Variants in GRIP1 observed in about 807,000 individuals in gnomAD.
GRIP1 encodes the protein glutamate receptor-interacting protein 1.
In GRIP1, 45 loss-of-function variants were observed where a neutral mutation model predicts 129.9. The ratio of observed to expected loss-of-function variants is 0.35; its 90% CI spans 0.27 to 0.44. GRIP1 has a LOEUF of 0.44. GRIP1 is among the 20% of genes least tolerant of loss of function. The pLI, the probability that GRIP1 is intolerant of heterozygous loss-of-function variation, is 1.00. For synonymous variants in GRIP1, 530 were observed against 520.8 expected, an observed-to-expected ratio of 1.02 and a Z score of -0.24; for missense variants, 1,196 against 1,396.8, an observed-to-expected ratio of 0.86 and a Z score of 2.29.
rs1344322970 is a variant in GRIP1, at chr12:66,348,791, G to A, written c.*228C>T. The stretch of plus-strand genomic sequence containing the variant: ...ACGGCCTATTTTTCTCTACCGTTGG[G>A]ACTGGCAGGGCATTGCCCACCATAT... On this transcript the variant is annotated 3_prime_UTR_variant, in exon 25 of 25. Transcript: ENST00000359742. The A allele has an allele frequency of 3.6e-6, 2 of 559,800 alleles. No individual in the cohort carries two copies. The highest frequency in any genetic ancestry group is 6.1e-5 in the Admixed American group (2 of 32,738). The allele number at this position is 559,800 out of a possible 1,614,324, so 34.7% of individuals were successfully genotyped here. A position where few individuals can be genotyped will look rare whatever the true frequency, so the allele number is the denominator to read the frequency against.
At chr12:66,804,793 C>T (rs181160303), upstream of GRIP1, among the ~76,000 whole-genome samples, 15 of 152,222 alleles carry the variant, frequency 9.9e-5, no homozygotes, top group East Asian at 2.9e-3. Context: ...TTGCAATGGG[C>T]GTACTGATTA....
intron 23 of GRIP1, among the ~76,000 whole-genome samples, chr12:66,370,764 G>A (rs2055443173): frequency 6.6e-6 from 1 of 152,176 alleles, no homozygotes; most frequent in African/African-American, 2.4e-5. Flanking sequence ...CACAAACACT[G>A]TTACTTACAT....
intron 1 of GRIP1, among the ~76,000 whole-genome samples, chr12:66,687,309 C>T (rs762666725): frequency 1.3e-5 from 2 of 152,054 alleles, no homozygotes; most frequent in Non-Finnish European, 2.9e-5. Flanking sequence ...AATACTAACA[C>T]CTAGAATATT....
chr12:66,381,921 C>T (rs2056128041), intron 19 of GRIP1, among the ~76,000 whole-genome samples: 5 of 152,222 alleles, frequency 3.3e-5, no homozygotes, highest in Admixed American at 1.3e-4. Flanking sequence ...GTCCGTGCTA[C>T]GCTGACCCAG....
At chr12:66,949,886 G>GC (rs933901957) in intron 1 of GRIP1, among the ~76,000 whole-genome samples, 13 of 147,756 alleles carry the variant, frequency 8.8e-5, no homozygotes, top group Admixed American at 2.8e-4. Context: ...TCCTGCCTCA[G>GC]CCCCCCCGAG....
At chr12:66,767,541 T>G (rs1592825198) in intron 1 of GRIP1, among the ~76,000 whole-genome samples, 2 of 151,760 alleles carry the variant, frequency 1.3e-5, no homozygotes, top group Non-Finnish European at 2.9e-5. Flanking sequence ...TCACATCATT[T>G]TGCCTTCTCA....
At chr12:66,354,938 T>A (rs2054405950) in intron 23 of GRIP1, among the ~76,000 whole-genome samples, 1 of 152,090 alleles carries the variant, frequency 6.6e-6, no homozygotes, top group East Asian at 1.9e-4. Context: ...GTGAGGAAAT[T>A]CAATTTCACT....
intron 1 of GRIP1, among the ~76,000 whole-genome samples, chr12:66,685,964 G>A (rs774777870): frequency 5.3e-5 from 8 of 152,074 alleles, no homozygotes; most frequent in Non-Finnish European, 8.8e-5. Context: ...AACTTTTGTC[G>A]AATAAATAAA....
At position 66,803,701 on chromosome 12, in the gene GRIP1, C is replaced by G. The variant is rs1205153830; in HGVS notation, c.-420+352G>C. 3.3e-5 allele frequency among the ~76,000 whole-genome samples: 5 copies of G among 152,318 alleles called. No homozygotes were observed. In the South Asian group the frequency reaches 1.0e-3, roughly 32 times the overall value. On this transcript the variant is annotated intron_variant, in intron 1 of 4. Transcript: ENST00000538373. Reference sequence around the variant, plus strand: ...CAATTATTTCTTCCAAATGAGCTAGCCTTCCCTATTCTGAAAGAAAAAGGA... The same window carrying G: ...CAATTATTTCTTCCAAATGAGCTAGGCTTCCCTATTCTGAAAGAAAAAGGA...
At chr12:66,701,070 G>A (rs2035334024) in intron 1 of GRIP1, among the ~76,000 whole-genome samples, 1 of 152,180 alleles carries the variant, frequency 6.6e-6, no homozygotes, top group Non-Finnish European at 1.5e-5. Context: ...GTGAATAGAA[G>A]ATTGGGTTGG....
At chr12:66,701,161 T>A (rs543415318) in intron 1 of GRIP1, among the ~76,000 whole-genome samples, 1 of 152,302 alleles carries the variant, frequency 6.6e-6, no homozygotes, top group African/African-American at 2.4e-5. Flanking sequence ...ACATCCATTA[T>A]GGTCCTACTC....
intron 1 of GRIP1, among the ~76,000 whole-genome samples, chr12:66,859,030 T>G (rs1454396663): frequency 2.6e-5 from 4 of 151,846 alleles, no homozygotes; most frequent in African/African-American, 7.3e-5. Context: ...TATTACATAA[T>G]CCCTATGAAT....
intron 14 of GRIP1, among the ~76,000 whole-genome samples, chr12:66,421,552 C>T (rs1206998054): frequency 1.3e-5 from 2 of 151,834 alleles, no homozygotes; most frequent in African/African-American, 4.8e-5. Flanking sequence ...CTTGATCAAT[C>T]AATCAATAAA....
intron 1 of GRIP1, among the ~76,000 whole-genome samples, chr12:66,630,773 C>T (rs2030687435): frequency 6.6e-6 from 1 of 152,062 alleles, no homozygotes; most frequent in Non-Finnish European, 1.5e-5. Flanking sequence ...AAGATGTTTT[C>T]AAATAGGTGA....
chr12:66,451,704 TCTAAGACTTCTGTCTCA>T lies in GRIP1; in HGVS notation c.1354+3688_1354+3704del, dbSNP rs1458600701. Among the ~76,000 whole-genome samples the T allele has an allele frequency of 5.9e-5, 9 of 152,202 alleles. 1 individual carries two copies. In the East Asian group the frequency reaches 1.7e-3, roughly 29 times the overall value. ...TGTGTTTTTATTATTGATCCTGTAA[TCTAAGACTTCTGTCTCA>T]CTAAAGTGTCCCACACTATAGTCAA... On this transcript the variant is annotated intron_variant, in intron 11 of 24. Transcript: ENST00000359742.
In GRIP1 at chr12:66,375,807, C is replaced by G. The variant is rs78328622; in HGVS notation, c.2778+1210G>C. On this transcript the variant is annotated intron_variant, in intron 22 of 24. Coordinates refer to ENST00000359742, the MANE Select transcript of GRIP1 (RefSeq NM_001366722.1). ...CACTTTTTACATCATTTTCTTTTTG[C>G]CTAATGTAAAATAAGCTGTTAGAAA... 4.4e-3 allele frequency among the ~76,000 whole-genome samples: 677 copies of G among 152,194 alleles called. 4 individuals are homozygous for G. Among genetic ancestry groups the G allele is most frequent in the African/African-American group, 0.016 (647 of 41,522 alleles).
intron 1 of GRIP1, among the ~76,000 whole-genome samples, chr12:66,768,972 T>C (rs1174277378): frequency 3.9e-5 from 6 of 152,158 alleles, no homozygotes. Flanking sequence ...TGAGAACCAA[T>C]GGTATGGGAT....
At chr12:67,006,325 G>A (rs1014062782) in intron 1 of GRIP1, among the ~76,000 whole-genome samples, 2 of 152,174 alleles carry the variant, frequency 1.3e-5, no homozygotes, top group African/African-American at 4.8e-5. Flanking sequence ...AGCACTTTGT[G>A]AGGCTGAGGC....
chr12:66,523,113 T>C (rs1054713380), intron 5 of GRIP1, among the ~76,000 whole-genome samples: 38 of 151,546 alleles, frequency 2.5e-4, no homozygotes, highest in African/African-American at 8.7e-4. Flanking sequence ...CTGCAGGATA[T>C]TATCCAGGAG....
Sources: gnomAD v4.1 joint callset for allele counts (sites outside exome capture counted in the v4.1 genomes callset) on GRCh38, gnomAD v4.1.1 for gene constraint, MANE v1.5 for transcripts, NCBI Gene and HGNC (gene_info 2026-07-23, HGNC 2026-07-21) for gene names.